Variants in MAP2K7 observed in about 807,000 individuals in gnomAD.
MAP2K7 encodes the protein dual specificity mitogen-activated protein kinase kinase 7.
In MAP2K7, 12 loss-of-function variants were observed where a neutral mutation model predicts 47.7. The ratio of observed to expected loss-of-function variants is 0.25; its 90% CI spans 0.16 to 0.41. MAP2K7 has a LOEUF of 0.41. Among genes scored for constraint, MAP2K7 ranks in the 10% least tolerant of loss-of-function variants. MAP2K7 has a pLI of 1.00. For synonymous variants in MAP2K7, 299 were observed against 243.0 expected (o/e 1.23, Z -2.14); for missense variants, 415 against 600.3 (o/e 0.69, Z 3.23).
Position 7,910,110 on chromosome 19 carries a change from A to G in MAP2K7, c.314A>G (p.Tyr105Cys). ...CAGGAGATCATGAAGCAGACGGGCT[A>G]CCTGACCATCGGGGGCCAGGTACCA... ...KLQEIMKQTG[Y>C]LTIGGQRYQA... is the part of the protein sequence containing the mutation. Residue 105 changes from tyrosine to cysteine, a missense_variant, in exon 3 of 11, where the codon TAC (tyrosine) becomes TGC (cysteine). By Grantham distance (194) the Tyr-to-Cys change is radical. Around this residue, in one of 3 missense-constraint regions of MAP2K7, gnomAD observed 206 missense variants for 368.8 expected, o/e 0.56. Coordinates refer to ENST00000397979, the MANE Select transcript of MAP2K7 (RefSeq NM_145185.4). The G allele has an allele frequency of 6.2e-7, 1 of 1,607,078 alleles. No individual in the cohort carries two copies. Among genetic ancestry groups the G allele is most frequent in the Non-Finnish European group, 8.5e-7 (1 of 1,177,532 alleles).
chr19:7,905,942 C>T, intron 1 of MAP2K7: 1 of 1,194,690 alleles, frequency 8.4e-7, no homozygotes, highest in Non-Finnish European at 1.2e-6. Flanking sequence ...CCCCCAGCCC[C>T]CATGCTCTGT....
chr19:7,909,371 G>A (rs1031477855), intron 1 of MAP2K7, among the ~76,000 whole-genome samples: 6 of 152,346 alleles, frequency 3.9e-5, no homozygotes, highest in African/African-American at 1.4e-4. Context: ...TATCCATCCT[G>A]TGGGTGCTGT....
At position 7,912,389 on chromosome 19, in the gene MAP2K7, T is replaced by C. The variant is rs774010501; in HGVS notation, c.1218T>C (p.Thr406=). ...TGGCGAAGACTGAGTCACCGCGGAC[T>C]AGCGGCGTCCTGAGCCAGCCCCACC... ...DVMAKTESPR[T]SGVLSQPHLP... Residue 406 remains threonine, a synonymous_variant, in exon 11 of 11, where the codon ACT becomes ACC. Transcript: ENST00000397979. The C allele has an allele frequency of 6.2e-7, 1 of 1,612,900 alleles. No individual in the cohort carries two copies. The highest frequency in any genetic ancestry group is 8.5e-7 in the Non-Finnish European group (1 of 1,179,982).
intron 7 of MAP2K7, 23 bp downstream of exon 7, chr19:7,911,182 G>A (rs1202113365): frequency 3.1e-6 from 5 of 1,608,164 alleles, no homozygotes; most frequent in East Asian, 2.2e-5. Flanking sequence ...CCCCCAGCGG[G>A]GGAGGGGGTG....
rs570725617 is a variant in MAP2K7 at position 7,909,275 on chromosome 19, C to T, written c.125-480C>T. ...TGCCCGCTGCCTCCCCAGCGTGGCC[C>T]TGCTCGCTCTTGTCTGGGAGCCAAC... On this transcript the variant is annotated intron_variant, in intron 1 of 10. Transcript: ENST00000397979. Among the ~76,000 whole-genome samples the T allele has an allele frequency of 1.3e-4, 20 of 152,368 alleles. No homozygotes were observed. The East Asian group carries it at 3.9e-3, about 29-fold the overall frequency.
At chr19:7,909,984 G>T (rs1982714853) in intron 2 of MAP2K7, 79 bp from the exon 3 acceptor site, 20 of 1,512,750 alleles carry the variant, frequency 1.3e-5, no homozygotes, top group Non-Finnish European at 1.8e-5. Flanking sequence ...TAAACCGGTG[G>T]GAACCCCGGT....
At chr19:7,912,044 C>A in intron 9 of MAP2K7, 105 bp from the exon 10 acceptor site, 2 of 1,023,956 alleles carry the variant, frequency 2.0e-6, no homozygotes, top group African/African-American at 1.6e-5. Flanking sequence ...CCCCCACACA[C>A]ATCTTGGGGA....
Position 7,906,144 on chromosome 19 carries a change from G to C in MAP2K7, c.124+2076G>C, listed in dbSNP as rs1036480098. The C allele has an allele frequency of 8.2e-6, 4 of 488,238 alleles. No individual in the cohort carries two copies. In the East Asian group the frequency reaches 1.0e-4, roughly 12 times the overall value. The allele number at this position is 488,238 out of a possible 1,614,324, so 30.2% of individuals were successfully genotyped here. On this transcript the variant is annotated intron_variant, in intron 1 of 10. Transcript: ENST00000397979. ...GGGAGTCTGTGGCCTCCGGGGGTGG[G>C]GGGGGTGCACGCCTGTGTGTGTGTA...
rs1161473945 is a variant in MAP2K7 at position 7,904,471 on chromosome 19, C to T, written c.124+403C>T. ...CTCAGGGACTGTCTGGCGCCCCCCT[C>T]CCCCGGCCTGGGGGCTTGTCAGCCC... On this transcript the variant is annotated intron_variant, in intron 1 of 10. Transcript: ENST00000397979. 5.1e-5 allele frequency: 19 copies of T among 374,752 alleles called. 1 individual carries two copies. In the Admixed American group the frequency reaches 6.0e-4, roughly 12 times the overall value. 23.2% of individuals were successfully genotyped at this position (374,752 alleles called of 1,614,324 possible).
chr19:7,904,480 TGG>T, intron 1 of MAP2K7: 1 of 367,294 alleles, frequency 2.7e-6, no homozygotes, highest in South Asian at 1.8e-5. Flanking sequence ...TCCCCCGGCC[TGG>T]GGGCTTGTCA....
chr19:7,904,097 G>T, intron 1 of MAP2K7, 29 bp downstream of exon 1: 1 of 1,216,814 alleles, frequency 8.2e-7, no homozygotes, highest in South Asian at 3.3e-5. Flanking sequence ...GGGAGGGGGC[G>T]GGCGGGCGGG....
chr19:7,909,749 C>G lies in MAP2K7; in HGVS notation c.125-6C>G, dbSNP rs1316040385. The G allele has an allele frequency of 8.4e-6, 13 of 1,538,774 alleles. No homozygotes were observed. In the East Asian group the frequency reaches 3.2e-4, roughly 38 times the overall value. On this transcript the variant is annotated splice_region_variant and splice_polypyrimidine_tract_variant and intron_variant, in intron 1 of 10. Coordinates refer to ENST00000397979, the MANE Select transcript of MAP2K7 (RefSeq NM_145185.4). ...CCCTCCCTGCCACTGGTTCTCACCC[C>G]CCTAGCCCTGCAGCTCCCGCTGGCC... is the stretch of plus-strand genomic sequence containing the variant.
chr19:7,911,415 C>T (rs1267357345), intron 8 of MAP2K7, 21 bp from the exon 9 acceptor site: 2 of 1,613,208 alleles, frequency 1.2e-6, no homozygotes, highest in East Asian at 2.2e-5. Flanking sequence ...ACCTGTCCAG[C>T]CCTGCCCGTC....
At chr19:7,909,074 GC>G (rs1982645250) in intron 1 of MAP2K7, among the ~76,000 whole-genome samples, 1 of 152,128 alleles carries the variant, frequency 6.6e-6, no homozygotes, top group African/African-American at 2.4e-5. Context: ...CAGGAGCTGT[GC>G]CCCCGAGCTC....
At position 7,904,087 on chromosome 19, in the gene MAP2K7, G is replaced by A. The variant is rs776219808; in HGVS notation, c.124+19G>A. 3.6e-5 allele frequency: 46 copies of A among 1,279,148 alleles called. No individual in the cohort carries two copies. The highest frequency in any genetic ancestry group is 4.6e-5 in the Non-Finnish European group (46 of 1,010,816). The allele number at this position is 1,279,148 out of a possible 1,614,324, so 79.2% of individuals were successfully genotyped here. A position where few individuals can be genotyped will look rare whatever the true frequency, so the allele number is the denominator to read the frequency against. On this transcript the variant is annotated intron_variant, in intron 1 of 10. Coordinates refer to ENST00000397979, the MANE Select transcript of MAP2K7 (RefSeq NM_145185.4). ...AGGCCCAGTAAGCACGGCGGCGTGG[G>A]GGAGGGGGCGGGCGGGCGGGGCGGG...
At chr19:7,910,903 C>T in intron 6 of MAP2K7, 77 bp from the exon 7 acceptor site, 1 of 1,585,048 alleles carries the variant, frequency 6.3e-7, no homozygotes, top group Non-Finnish European at 8.6e-7. Flanking sequence ...GGTGAGTGGC[C>T]AGGTGGGGCG....
At chr19:7,909,708 A>C in intron 1 of MAP2K7, 47 bp from the exon 2 acceptor site, 1 of 1,299,282 alleles carries the variant, frequency 7.7e-7, no homozygotes, top group Non-Finnish European at 1.1e-6. Context: ...AGCTGACACC[A>C]GCTGGGCGCT....
intron 1 of MAP2K7, among the ~76,000 whole-genome samples, chr19:7,908,337 G>C (rs1210891791): frequency 6.6e-6 from 1 of 152,130 alleles, no homozygotes; most frequent in Non-Finnish European, 1.5e-5. Context: ...CTCCAGGAGG[G>C]GAGCTAGGGG....
At chr19:7,911,225 A>ACAT in intron 7 of MAP2K7, 25 bp from the exon 8 acceptor site, 2 of 1,606,706 alleles carry the variant, frequency 1.2e-6, no homozygotes, top group Non-Finnish European at 1.7e-6. Flanking sequence ...CCTTGGAGAT[A>ACAT]CGTCTTCTCC....
Sources: allele counts gnomAD v4.1 joint callset (sites outside exome capture counted in the v4.1 genomes callset), GRCh38; gene constraint gnomAD v4.1.1; regional missense constraint gnomAD v4.1.1; transcripts MANE v1.5; gene names NCBI Gene and HGNC (gene_info 2026-07-23, HGNC 2026-07-21).